Variants in SPIRE1 observed in about 807,000 individuals in gnomAD.
SPIRE1 encodes spire type actin nucleation factor 1.
In SPIRE1, 40 loss-of-function variants were observed where a neutral mutation model predicts 94.1. The observed-to-expected ratio is 0.43, with a 90% CI of 0.33 to 0.55. SPIRE1 has a LOEUF of 0.55. Ranked by LOEUF, SPIRE1 falls within the 20% of genes least tolerant of loss-of-function variation. SPIRE1 has a pLI of 0.06. For missense variants in SPIRE1, 838 were observed against 975.2 expected (o/e 0.86, Z 1.87); for synonymous variants, 376 against 371.7 (o/e 1.01, Z -0.13).
chr18:12,572,312 A>AT (rs370741742), intron 2 of SPIRE1, among the ~76,000 whole-genome samples: 13 of 149,422 alleles, frequency 8.7e-5, no homozygotes, highest in African/African-American at 1.7e-4. Context: ...ATCTCATCTC[A>AT]TTTTTTTTTT....
At chr18:12,574,820 A>G (rs1334135296) in intron 2 of SPIRE1, among the ~76,000 whole-genome samples, 1 of 152,206 alleles carries the variant, frequency 6.6e-6, no homozygotes, top group Non-Finnish European at 1.5e-5. Context: ...AAGGGAGAAA[A>G]GGATGAAATC....
At chr18:12,470,644 G>C (rs1438404773) in intron 10 of SPIRE1, among the ~76,000 whole-genome samples, 1 of 152,042 alleles carries the variant, frequency 6.6e-6, no homozygotes, top group Non-Finnish European at 1.5e-5. Context: ...CATATGTGTG[G>C]GTACATGCAT....
At chr18:12,638,440 C>T (rs969662452) in intron 1 of SPIRE1, among the ~76,000 whole-genome samples, 3 of 152,046 alleles carry the variant, frequency 2.0e-5, no homozygotes, top group African/African-American at 7.2e-5. Context: ...CAAGGCCTTG[C>T]CTCAGAAACC....
In SPIRE1 at chr18:12,546,908, G is replaced by A. The variant is rs578003599; in HGVS notation, c.373-4C>T. On this transcript the variant is annotated splice_polypyrimidine_tract_variant and splice_region_variant and intron_variant, in intron 2 of 16. Transcript: ENST00000409402. Reference sequence around the variant, plus strand: ...TAATTCCCAAAGATTCAATGACCTAGGAACATTTAAAAAAGTGGTTAATGG... The same window carrying A: ...TAATTCCCAAAGATTCAATGACCTAAGAACATTTAAAAAAGTGGTTAATGG... The A allele has an allele frequency of 5.3e-4, 851 of 1,600,886 alleles. 1 individual carries two copies. Among genetic ancestry groups the A allele is most frequent in the Non-Finnish European group, 6.6e-4 (770 of 1,170,748 alleles).
intron 3 of SPIRE1, among the ~76,000 whole-genome samples, chr18:12,537,126 C>CA (rs1391151510): frequency 1.3e-5 from 2 of 151,976 alleles, no homozygotes; most frequent in Non-Finnish European, 2.9e-5. Flanking sequence ...TTCACAGTAG[C>CA]AAAAAAAGCT....
chr18:12,651,740 T>C (rs922666439), intron 1 of SPIRE1, among the ~76,000 whole-genome samples: 1 of 152,212 alleles, frequency 6.6e-6, no homozygotes, highest in Non-Finnish European at 1.5e-5. Context: ...ATTCTCTCTT[T>C]AAAATCAAAT....
intron 2 of SPIRE1, among the ~76,000 whole-genome samples, chr18:12,620,371 C>T (rs2037432436): frequency 6.6e-6 from 1 of 152,186 alleles, no homozygotes; most frequent in South Asian, 2.1e-4. Flanking sequence ...AAGAGCCAAA[C>T]AATCTTGAAA....
chr18:12,499,589 A>G lies in SPIRE1; in HGVS notation c.973-3487T>C, dbSNP rs967447074. Among the ~76,000 whole-genome samples, 6 of 152,308 alleles carry G rather than the reference A, an allele frequency of 3.9e-5. No homozygotes were observed. The East Asian group carries it at 1.2e-3, about 29-fold the overall frequency. On this transcript the variant is annotated intron_variant, in intron 6 of 16. Transcript: ENST00000409402. Reference sequence around the variant, plus strand: ...TTGCACCATATATATAAATTAACTAAAAAAACTGATCAAAGACTTAAATAT... The same window carrying G: ...TTGCACCATATATATAAATTAACTAGAAAAACTGATCAAAGACTTAAATAT...
chr18:12,619,139 G>A (rs1382330899), intron 2 of SPIRE1, among the ~76,000 whole-genome samples: 7 of 151,946 alleles, frequency 4.6e-5, no homozygotes, highest in East Asian at 1.9e-4. Context: ...CAGGTGATCC[G>A]CCCGCCACGG....
At chr18:12,637,318 C>T (rs2037958731) in intron 1 of SPIRE1, among the ~76,000 whole-genome samples, 3 of 146,954 alleles carry the variant, frequency 2.0e-5, no homozygotes, top group South Asian at 4.3e-4. Context: ...GAGATTGCGC[C>T]GGTGCACTCC....
chr18:12,657,757 C>T lies in SPIRE1; in HGVS notation c.110G>A (p.Arg37Gln). 7.4e-7 allele frequency: 1 copy of T among 1,350,760 alleles called. No individual in the cohort carries two copies. 83.7% of individuals were successfully genotyped at this position (1,350,760 alleles called of 1,614,324 possible). A position where few individuals can be genotyped will look rare whatever the true frequency, so the allele number is the denominator to read the frequency against. Reference protein sequence around the residue: ...GAAGGAAGGSRDALSLEEILR... With the variant: ...GAAGGAAGGSQDALSLEEILR... ...GATCTCCTCCAGGCTCAGCGCGTCC[C>T]GGGAGCCCCCGGCCGCGCCGCCGGC... Residue 37 changes from arginine (R) to glutamine (Q), a missense_variant, in exon 1 of 17, where the codon CGG becomes CAG. Around this residue, in one of 2 missense-constraint regions of SPIRE1, gnomAD observed 193 missense variants for 170.5 expected, o/e 1.13. Coordinates refer to ENST00000409402, the MANE Select transcript of SPIRE1 (RefSeq NM_001128626.2).
chr18:12,625,216 G>A (rs564812636), intron 2 of SPIRE1, among the ~76,000 whole-genome samples: 40 of 152,224 alleles, frequency 2.6e-4, no homozygotes, highest in African/African-American at 9.1e-4. Flanking sequence ...ACTCGGAAGC[G>A]GCAACTCATG....
At chr18:12,572,103 G>C (rs1216630759) in intron 2 of SPIRE1, among the ~76,000 whole-genome samples, 1 of 152,156 alleles carries the variant, frequency 6.6e-6, no homozygotes, top group African/African-American at 2.4e-5. Context: ...TGAGGGACCA[G>C]AGGTCAAGAA....
chr18:12,560,829 G>T (rs2035662101), intron 2 of SPIRE1, among the ~76,000 whole-genome samples: 1 of 152,098 alleles, frequency 6.6e-6, no homozygotes, highest in South Asian at 2.1e-4. Flanking sequence ...CTCTAGCCTG[G>T]GTGACAGAGC....
rs1345452411 is a variant in SPIRE1 at position 12,549,436 on chromosome 18, G to GTTTTTTTTTTTTTTTT, written c.373-2533_373-2532insAAAAAAAAAAAAAAAA. Among the ~76,000 whole-genome samples, 54 of 51,934 alleles carry GTTTTTTTTTTTTTTTT rather than the reference G, an allele frequency of 1.0e-3. 3 individuals are homozygous for GTTTTTTTTTTTTTTTT. Among genetic ancestry groups the GTTTTTTTTTTTTTTTT allele is most frequent in the Non-Finnish European group, 1.7e-3 (45 of 26,826 alleles). The allele number at this position is 51,934 out of a possible 152,430, so 34.1% of individuals were successfully genotyped here. On this transcript the variant is annotated intron_variant, in intron 2 of 16. Transcript: ENST00000409402. ...TTGCTTTTTGTTTGTTTTTGTTATT[G>GTTTTTTTTTTTTTTTT]TTGTTTTTTTTTTTTTTTTTTTTTT...
intron 4 of SPIRE1, among the ~76,000 whole-genome samples, chr18:12,532,240 A>G (rs1434746712): frequency 6.6e-6 from 1 of 152,248 alleles, no homozygotes; most frequent in Non-Finnish European, 1.5e-5. Flanking sequence ...GATGAACCAG[A>G]TACTGTGCTT....
intron 2 of SPIRE1, among the ~76,000 whole-genome samples, chr18:12,561,371 G>T (rs1236872524): frequency 6.6e-6 from 1 of 151,692 alleles, no homozygotes; most frequent in Non-Finnish European, 1.5e-5. Flanking sequence ...CCAGGTTCAG[G>T]CGATTCTCCT....
At chr18:12,623,389 G>A (rs1239821239) in intron 2 of SPIRE1, among the ~76,000 whole-genome samples, 15 of 152,058 alleles carry the variant, frequency 9.9e-5, no homozygotes, top group East Asian at 1.9e-4. Flanking sequence ...TCCTGACCTC[G>A]TGATCTGCCC....
At chr18:12,497,261 C>G (rs2033491138) in intron 6 of SPIRE1, among the ~76,000 whole-genome samples, 1 of 152,174 alleles carries the variant, frequency 6.6e-6, no homozygotes, top group Non-Finnish European at 1.5e-5. Context: ...TGATTCTACT[C>G]TAATGTCCTC....
Sources: gnomAD v4.1 joint callset for allele counts (sites outside exome capture counted in the v4.1 genomes callset) on GRCh38, gnomAD v4.1.1 for gene constraint, gnomAD v4.1.1 regional missense constraint, MANE v1.5 for transcripts, NCBI Gene and HGNC (gene_info 2026-07-23, HGNC 2026-07-21) for gene names.